The following NRXN1 variants were observed in gnomAD, a reference collection of about 807,000 sequenced individuals.
The protein encoded by NRXN1 is neurexin-1.
Under a neutral mutation model 150.9 loss-of-function variants are expected in NRXN1, and 39 were observed. The ratio of observed to expected loss-of-function variants is 0.26; its 90% CI spans 0.20 to 0.34. NRXN1 has a LOEUF of 0.34. Ranked by LOEUF, NRXN1 falls within the 10% of genes least tolerant of loss-of-function variation. NRXN1 has a pLI of 1.00. For missense variants in NRXN1, 1,815 were observed against 1,949.9 expected (o/e 0.93, Z 1.30); for synonymous variants, 924 against 757.0 (o/e 1.22, Z -3.62).
intron 2 of NRXN1, among the ~76,000 whole-genome samples, chr2:50,986,793 T>C (rs1404568828): frequency 1.3e-5 from 2 of 151,562 alleles, no homozygotes; most frequent in Admixed American, 6.6e-5. Flanking sequence ...AACATAGGAA[T>C]GGAAAAAAGC....
intron 17 of NRXN1, among the ~76,000 whole-genome samples, chr2:50,352,776 T>TAATATAATAATAATAATA (rs1478736717): frequency 7.1e-5 from 6 of 84,028 alleles, no homozygotes; most frequent in African/African-American, 8.2e-5. Flanking sequence ...ATAATAATAA[T>TAATATAATAATAATAATA]ATTATAATAA....
chr2:50,636,579 A>T (rs1683273008), intron 5 of NRXN1, among the ~76,000 whole-genome samples: 1 of 152,212 alleles, frequency 6.6e-6, no homozygotes, highest in Admixed American at 6.5e-5. Context: ...TGCTAGAGTT[A>T]AAATGTCTTT....
chr2:49,943,370 T>C (rs929068773), intron 22 of NRXN1, among the ~76,000 whole-genome samples: 5 of 152,240 alleles, frequency 3.3e-5, no homozygotes, highest in Non-Finnish European at 7.3e-5. Context: ...TTTTTAGCTT[T>C]ATAATTTTAC....
intron 12 of NRXN1, among the ~76,000 whole-genome samples, chr2:50,511,911 A>G (rs1405782524): frequency 1.3e-5 from 2 of 152,158 alleles, no homozygotes; most frequent in African/African-American, 2.4e-5. Context: ...TATTAGTCTC[A>G]GAACAAAGGA....
At chr2:50,329,661 ATATATATATATAT>A (rs1312379256) in intron 17 of NRXN1, among the ~76,000 whole-genome samples, 558 of 27,854 alleles carry the variant, frequency 0.02, 19 homozygotes, top group East Asian at 0.074. Flanking sequence ...ATATATATAT[ATATATATATATAT>A]TTTTTTTTTT....
chr2:49,933,466 C>G (rs62132414), intron 22 of NRXN1, among the ~76,000 whole-genome samples: 31,254 of 152,006 alleles, frequency 0.21, 3,405 homozygotes, highest in East Asian at 0.3. Context: ...ACTCTCTGTC[C>G]TTTGCTGTGG....
intron 18 of NRXN1, among the ~76,000 whole-genome samples, chr2:50,230,605 A>T (rs1204797510): frequency 6.6e-6 from 1 of 152,064 alleles, no homozygotes; most frequent in Non-Finnish European, 1.5e-5. Context: ...AAGTATGTGA[A>T]CCGAGAAGAA....
intron 5 of NRXN1, among the ~76,000 whole-genome samples, chr2:50,627,875 A>C (rs1681451751): frequency 6.6e-6 from 1 of 151,728 alleles, no homozygotes; most frequent in African/African-American, 2.4e-5. Flanking sequence ...ACATGCCACA[A>C]CACCTGTGTG....
chr2:50,428,540 C>T (rs1319416191), intron 17 of NRXN1, among the ~76,000 whole-genome samples: 1 of 152,186 alleles, frequency 6.6e-6, no homozygotes, highest in Non-Finnish European at 1.5e-5. Flanking sequence ...ATTCTGTAAA[C>T]TGTCTTCAGT....
chr2:50,326,225 T>C (rs1173521333), intron 17 of NRXN1, among the ~76,000 whole-genome samples: 2 of 152,156 alleles, frequency 1.3e-5, no homozygotes, highest in African/African-American at 2.4e-5. Flanking sequence ...GAAAGATGAA[T>C]TGAATAAATG....
At chr2:50,049,931 T>C (rs916584571) in intron 21 of NRXN1, among the ~76,000 whole-genome samples, 3 of 152,046 alleles carry the variant, frequency 2.0e-5, no homozygotes, top group Non-Finnish European at 2.9e-5. Context: ...TCAGGAGGCC[T>C]TATGGAAACA....
intron 18 of NRXN1, among the ~76,000 whole-genome samples, chr2:50,125,344 T>C (rs949231207): frequency 6.6e-6 from 1 of 152,170 alleles, no homozygotes. Context: ...GTTGTTGTTG[T>C]TTTAATTCAG....
chr2:50,656,536 A>T, intron 5 of NRXN1: 3 of 586,718 alleles, frequency 5.1e-6, no homozygotes, highest in Non-Finnish European at 9.3e-6. Context: ...TCCCCTAAAT[A>T]ATATTTATTT....
At chr2:50,286,181 A>G (rs2072137976) in intron 17 of NRXN1, among the ~76,000 whole-genome samples, 1 of 152,104 alleles carries the variant, frequency 6.6e-6, no homozygotes, top group Non-Finnish European at 1.5e-5. Flanking sequence ...TCAAGAACAC[A>G]ATGTATTGTT....
intron 21 of NRXN1, among the ~76,000 whole-genome samples, chr2:49,955,084 T>G (rs1355226171): frequency 6.6e-6 from 1 of 152,148 alleles, no homozygotes; most frequent in African/African-American, 2.4e-5. Context: ...ATAGAAGAAA[T>G]ATTATACATG....
intron 5 of NRXN1, among the ~76,000 whole-genome samples, chr2:50,801,010 T>C (rs889081300): frequency 1.3e-5 from 2 of 152,222 alleles, no homozygotes; most frequent in Non-Finnish European, 2.9e-5. Flanking sequence ...CTGAGATTTT[T>C]TGAATGACTT....
chr2:50,114,726 T>C (rs1702805119), intron 18 of NRXN1, among the ~76,000 whole-genome samples: 1 of 152,078 alleles, frequency 6.6e-6, no homozygotes, highest in South Asian at 2.1e-4. Flanking sequence ...AAGTCTTAAA[T>C]GCATATTATT....
At chr2:50,114,124 C>T (rs539639154) in intron 18 of NRXN1, among the ~76,000 whole-genome samples, 2 of 143,598 alleles carry the variant, frequency 1.4e-5, no homozygotes, top group Non-Finnish European at 3.1e-5. Context: ...GGGCTGTGAT[C>T]CAGAATAGTT....
chr2:50,506,711 G>C (rs1404932168), intron 12 of NRXN1, 94 bp from the exon 13 acceptor site: 1 of 1,168,808 alleles, frequency 8.6e-7, no homozygotes, highest in Non-Finnish European at 1.2e-6. Flanking sequence ...AGGGGGGAAG[G>C]TGAGGGAGAG....
Sources: allele counts gnomAD v4.1 joint callset (sites outside exome capture counted in the v4.1 genomes callset), GRCh38; gene constraint gnomAD v4.1.1; transcripts MANE v1.5; gene names NCBI Gene and HGNC (gene_info 2026-07-23, HGNC 2026-07-21).